Variants in RALYL observed in about 807,000 individuals in gnomAD.
The protein encoded by RALYL is RALY RNA binding protein like.
A neutral mutation model predicts 35.1 loss-of-function variants in RALYL; 29 were observed. The ratio of observed to expected loss-of-function variants is 0.83; its 90% CI spans 0.61 to 1.13. RALYL has a LOEUF of 1.13. RALYL is among the 50% of genes most tolerant of loss of function. RALYL has a pLI of 0.00. For missense variants in RALYL, 359 were observed against 360.4 expected (o/e 1.00, Z 0.03); for synonymous variants, 120 against 127.6 (o/e 0.94, Z 0.40).
intron 1 of RALYL, among the ~76,000 whole-genome samples, chr8:84,430,451 A>T (rs1361338377): frequency 6.6e-6 from 1 of 152,066 alleles, no homozygotes; most frequent in East Asian, 1.9e-4. Flanking sequence ...CTCTTTGTTC[A>T]AATAGAGGAA....
intron 2 of RALYL, among the ~76,000 whole-genome samples, chr8:84,603,457 T>A (rs954882493): frequency 1.3e-5 from 2 of 152,010 alleles, no homozygotes; most frequent in Non-Finnish European, 2.9e-5. Flanking sequence ...GTATTATTAT[T>A]ATTACTATAA....
At chr8:84,746,191 A>G (rs979503440) in intron 2 of RALYL, among the ~76,000 whole-genome samples, 25 of 152,180 alleles carry the variant, frequency 1.6e-4, no homozygotes, top group African/African-American at 6.0e-4. Context: ...GGGGAAAATC[A>G]CTTGAGAGGA....
chr8:84,429,159 C>A (rs562514536), intron 1 of RALYL, among the ~76,000 whole-genome samples: 1 of 152,232 alleles, frequency 6.6e-6, no homozygotes, highest in South Asian at 2.1e-4. Flanking sequence ...TGGCTTAATG[C>A]TCTAGGCTTA....
chr8:84,722,231 A>C (rs1460007571), intron 2 of RALYL, among the ~76,000 whole-genome samples: 1 of 152,084 alleles, frequency 6.6e-6, no homozygotes, highest in African/African-American at 2.4e-5. Flanking sequence ...TATAATTGAG[A>C]TTTCCAAAAA....
rs10958214 is a variant in RALYL at position 84,231,143 on chromosome 8, G to A, written c.-24+46719G>A. On this transcript the variant is annotated intron_variant, in intron 1 of 8. Coordinates refer to ENST00000521268, the MANE Select transcript of RALYL (RefSeq NM_173848.7). ...ACATAGTCAGCTCATCAAAGAAGTC[G>A]TATCCTTTCTACTTACAAATTCCAA... Among the ~76,000 whole-genome samples the A allele has an allele frequency of 2.8e-3, 424 of 152,264 alleles. 13 individuals carry two copies. In the East Asian group the frequency reaches 0.075, roughly 27 times the overall value.
At position 84,310,813 on chromosome 8, in the gene RALYL, C is replaced by T. The variant is rs550250607; in HGVS notation, c.-24+126389C>T. Among the ~76,000 whole-genome samples, 21 of 137,178 alleles carry T rather than the reference C, an allele frequency of 1.5e-4. 1 individual carries two copies. The highest frequency in any genetic ancestry group is 4.0e-4 in the African/African-American group (14 of 34,592). The allele number at this position is 137,178 out of a possible 152,430, so 90.0% of individuals were successfully genotyped here. ...CTGTAATCCCAGCACTTTGGGAGGC[C>T]GAGGCGGGTGGATCATGAGGTCAGG... On this transcript the variant is annotated intron_variant, in intron 1 of 8. Coordinates refer to ENST00000521268, the MANE Select transcript of RALYL (RefSeq NM_173848.7).
chr8:84,654,000 G>T (rs560159956), intron 2 of RALYL, among the ~76,000 whole-genome samples: 2 of 150,618 alleles, frequency 1.3e-5, no homozygotes, highest in Non-Finnish European at 3.0e-5. Context: ...AACAAGGTTT[G>T]TATTTTGTTT....
chr8:84,795,624 C>A (rs1288412673), intron 3 of RALYL, among the ~76,000 whole-genome samples: 2 of 152,308 alleles, frequency 1.3e-5, no homozygotes, highest in Middle Eastern at 3.4e-3. Flanking sequence ...TAGCCTTGAG[C>A]AAATTTCTGT....
intron 4 of RALYL, among the ~76,000 whole-genome samples, chr8:84,814,177 A>ATGTT (rs1826602775): frequency 6.6e-6 from 1 of 152,202 alleles, no homozygotes; most frequent in Non-Finnish European, 1.5e-5. Context: ...TTGCTCATAA[A>ATGTT]TGTTAGCTAT....
chr8:84,654,436 A>C (rs955088647), intron 2 of RALYL, among the ~76,000 whole-genome samples: 4 of 151,364 alleles, frequency 2.6e-5, no homozygotes, highest in African/African-American at 9.7e-5. Flanking sequence ...ATTGTATTAC[A>C]AACAATCCAA....
chr8:84,510,647 C>T (rs1386359454), intron 1 of RALYL, among the ~76,000 whole-genome samples: 2 of 152,104 alleles, frequency 1.3e-5, no homozygotes, highest in African/African-American at 4.8e-5. Flanking sequence ...CCCATCTCTA[C>T]TAAAAATACA....
chr8:84,879,171 G>A lies in RALYL; in HGVS notation c.685+5774G>A, dbSNP rs116460584. On this transcript the variant is annotated intron_variant, in intron 7 of 8. Coordinates refer to ENST00000521268, the MANE Select transcript of RALYL (RefSeq NM_173848.7). ...AGAGATCTGGAAAGAAATGAGTCCA[G>A]ATCAGAACTGCTCAAAAGCTCTGGG... Among the ~76,000 whole-genome samples, 451 of 152,202 alleles carry A rather than the reference G, an allele frequency of 3.0e-3. 3 individuals are homozygous for A. Among genetic ancestry groups the A allele is most frequent in the African/African-American group, 0.011 (437 of 41,538 alleles).
chr8:84,654,270 CAT>C (rs143309933), intron 2 of RALYL, among the ~76,000 whole-genome samples: 4,534 of 43,250 alleles, frequency 0.1, 200 homozygotes, highest in Non-Finnish European at 0.16. Flanking sequence ...TCTCATGTTC[CAT>C]ATATATATAT....
At chr8:84,334,029 G>A (rs1847312163) in intron 1 of RALYL, among the ~76,000 whole-genome samples, 1 of 152,008 alleles carries the variant, frequency 6.6e-6, no homozygotes, top group East Asian at 1.9e-4. Flanking sequence ...TGGGACTATG[G>A]GTGCATGCTA....
intron 4 of RALYL, among the ~76,000 whole-genome samples, chr8:84,825,603 C>A (rs941636591): frequency 1.3e-5 from 2 of 152,168 alleles, no homozygotes; most frequent in Non-Finnish European, 2.9e-5. Context: ...TGCAGTGGCT[C>A]ACACCCATAA....
intron 1 of RALYL, among the ~76,000 whole-genome samples, chr8:84,323,130 T>C (rs1845187681): frequency 6.6e-6 from 1 of 152,072 alleles, no homozygotes; most frequent in Admixed American, 6.6e-5. Context: ...CTATAACTTA[T>C]TCAGCTTCGT....
At chr8:84,661,857 T>G (rs1237970726) in intron 2 of RALYL, among the ~76,000 whole-genome samples, 1 of 151,946 alleles carries the variant, frequency 6.6e-6, no homozygotes. Flanking sequence ...GGCCTGGCAG[T>G]GTAGAAGGAA....
chr8:84,610,136 T>G (rs1817985364), intron 2 of RALYL, among the ~76,000 whole-genome samples: 1 of 152,134 alleles, frequency 6.6e-6, no homozygotes, highest in South Asian at 2.1e-4. Context: ...GATAAACCAT[T>G]AACTAAAATC....
intron 8 of RALYL, among the ~76,000 whole-genome samples, chr8:84,913,130 C>A (rs1847880216): frequency 6.6e-6 from 1 of 151,774 alleles, no homozygotes; most frequent in East Asian, 1.9e-4. Flanking sequence ...GTTTGCTCAG[C>A]AAGTAATGCC....
Sources: gnomAD v4.1 joint callset for allele counts (sites outside exome capture counted in the v4.1 genomes callset) on GRCh38, gnomAD v4.1.1 for gene constraint, MANE v1.5 for transcripts, NCBI Gene and HGNC (gene_info 2026-07-23, HGNC 2026-07-21) for gene names.